The following CFAP300 variants were observed in gnomAD, a reference collection of about 807,000 sequenced individuals.
CFAP300 encodes cilia and flagella associated protein 300, also known as cilia- and flagella-associated protein 300.
Under a neutral mutation model 33.0 loss-of-function variants are expected in CFAP300, and 32 were observed. The observed-to-expected ratio is 0.97, with a 90% CI of 0.73 to 1.30. CFAP300 has a LOEUF of 1.30. Ranked by LOEUF, CFAP300 falls within the 50% of genes most tolerant of loss-of-function variation. The pLI is 0.00. For missense variants in CFAP300, 356 were observed against 318.1 expected (o/e 1.12, Z -0.90); for synonymous variants, 102 against 106.8 (o/e 0.95, Z 0.28).
At chr11:102,064,321 C>CT (rs1942192722) in intron 3 of CFAP300, among the ~76,000 whole-genome samples, 1 of 152,230 alleles carries the variant, frequency 6.6e-6, no homozygotes, top group Non-Finnish European at 1.5e-5. Flanking sequence ...TCTTCAGAAA[C>CT]TATCGGGCTC....
rs763985305 is a variant in CFAP300 at position 102,076,017 on chromosome 11, A to G, written c.580A>G (p.Thr194Ala). 2 of 1,612,814 alleles carry G rather than the reference A, an allele frequency of 1.2e-6. No individual in the cohort carries two copies. Among genetic ancestry groups the G allele is most frequent in the South Asian group, 2.2e-5 (2 of 90,604 alleles). ...TGTGATTAGCCCATATCTGGAAACA[A>G]CAAAGCTTATCTATAAGGATCTGGT... The part of the protein sequence containing the change: ...EDVISPYLET[T>A]KLIYKDLVSV... Residue 194 changes from threonine to alanine, a missense_variant, in exon 5 of 7, where the codon ACA becomes GCA. Physicochemically the swap from Thr to Ala is moderately conservative, Grantham distance 58. Transcript: ENST00000434758.
At chr11:102,064,008 T>C (rs1942188422) in intron 3 of CFAP300, among the ~76,000 whole-genome samples, 1 of 152,160 alleles carries the variant, frequency 6.6e-6, no homozygotes, top group Non-Finnish European at 1.5e-5. Flanking sequence ...AACCCAATTA[T>C]TTCCCAAAGG....
intron 4 of CFAP300, among the ~76,000 whole-genome samples, chr11:102,073,415 C>A (rs1482046013): frequency 6.6e-6 from 1 of 152,156 alleles, no homozygotes; most frequent in African/African-American, 2.4e-5. Context: ...GGGGACGGGG[C>A]AAACCCCAGA....
chr11:102,047,903 A>G lies in CFAP300; in HGVS notation c.192+7A>G, dbSNP rs770828911. 1 of 1,613,950 alleles carries G rather than the reference A, an allele frequency of 6.2e-7. No homozygotes were observed. Among genetic ancestry groups the G allele is most frequent in the Non-Finnish European group, 8.5e-7 (1 of 1,179,918 alleles). ...GAAGGATGATTTCGTTATGGTTAGT[A>G]TGGGGGTCGGAGAGTTCCCTGGGTC... On this transcript the variant is annotated splice_region_variant and intron_variant, in intron 2 of 6. Transcript: ENST00000434758.
At chr11:102,052,186 A>G (rs375564964) in intron 2 of CFAP300, among the ~76,000 whole-genome samples, 8 of 152,338 alleles carry the variant, frequency 5.3e-5, no homozygotes, top group African/African-American at 1.7e-4. Flanking sequence ...ACTGCAGGCC[A>G]GTTGACCTGC....
At chr11:102,066,678 A>G (rs373332443) in intron 4 of CFAP300, 27 bp downstream of exon 4, 5 of 1,562,476 alleles carry the variant, frequency 3.2e-6, no homozygotes, top group African/African-American at 1.4e-5. Context: ...AAAATTTCGC[A>G]GTGGAATTTT....
intron 2 of CFAP300, among the ~76,000 whole-genome samples, chr11:102,051,319 G>C (rs1941966382): frequency 6.6e-6 from 1 of 152,208 alleles, no homozygotes; most frequent in Non-Finnish European, 1.5e-5. Flanking sequence ...GACTGGGGAT[G>C]ATGAGGAGAA....
chr11:102,067,788 T>C (rs890227040), intron 4 of CFAP300, among the ~76,000 whole-genome samples: 6 of 152,172 alleles, frequency 3.9e-5, no homozygotes, highest in African/African-American at 1.4e-4. Flanking sequence ...GCACCTGTGG[T>C]TCCAGCTACT....
chr11:102,062,452 G>A (rs1432600328), intron 3 of CFAP300, among the ~76,000 whole-genome samples: 2 of 152,136 alleles, frequency 1.3e-5, no homozygotes, highest in Non-Finnish European at 2.9e-5. Flanking sequence ...AGCGCCCAAG[G>A]AAATAAGGGA....
chr11:102,052,559 T>C (rs1359040948), intron 2 of CFAP300, among the ~76,000 whole-genome samples: 1 of 152,230 alleles, frequency 6.6e-6, no homozygotes, highest in African/African-American at 2.4e-5. Flanking sequence ...AGAATGTAAA[T>C]TCCATAAGAA....
At chr11:102,051,591 T>C (rs1396833940) in intron 2 of CFAP300, among the ~76,000 whole-genome samples, 1 of 152,230 alleles carries the variant, frequency 6.6e-6, no homozygotes, top group Non-Finnish European at 1.5e-5. Context: ...TAGTCAAATA[T>C]ATACTTAAAT....
At chr11:102,050,264 T>C (rs1023022042) in intron 2 of CFAP300, among the ~76,000 whole-genome samples, 15 of 152,238 alleles carry the variant, frequency 9.9e-5, no homozygotes, top group Admixed American at 2.0e-4. Context: ...CTGCCAGGTT[T>C]GGTGTTCTGA....
At chr11:102,081,139 C>T (rs1230607024) in intron 5 of CFAP300, 76 bp from the exon 6 acceptor site, 3 of 1,074,066 alleles carry the variant, frequency 2.8e-6, no homozygotes, top group Non-Finnish European at 4.0e-6. Flanking sequence ...CACTTAAATA[C>T]TAAAAGGGAT....
intron 1 of CFAP300, 21 bp from the exon 2 acceptor site, chr11:102,047,794 C>A (rs777937419): frequency 9.9e-6 from 16 of 1,612,838 alleles, no homozygotes; most frequent in Non-Finnish European, 1.3e-5. Flanking sequence ...CAGATGATTT[C>A]TTTTTCCTCC....
At position 102,083,144 on chromosome 11, in the gene CFAP300, TC is replaced by T; in HGVS notation, c.750del (p.Arg251GlyfsTer42). On this transcript the variant is annotated frameshift_variant, in exon 7 of 7. Coordinates refer to ENST00000434758, the MANE Select transcript of CFAP300 (RefSeq NM_032930.3). LOFTEE classifies it high-confidence loss of function. Reference sequence around the variant, plus strand: ...TTTTCTTACTTTATTGTGGATCCTATCAGGCGTCACCTTCATGTTTTATACC... The same window carrying T: ...TTTTCTTACTTTATTGTGGATCCTATAGGCGTCACCTTCATGTTTTATACC... ...QTFSYFIVDP[I>X]RRHLHVLYHC... 1 of 1,570,502 alleles carries T rather than the reference TC, an allele frequency of 6.4e-7. No individual in the cohort carries two copies. The highest frequency in any genetic ancestry group is 1.2e-5 in the South Asian group (1 of 82,944).
intron 5 of CFAP300, among the ~76,000 whole-genome samples, chr11:102,076,723 A>C (rs1019721781): frequency 6.6e-6 from 1 of 152,212 alleles, no homozygotes; most frequent in Non-Finnish European, 1.5e-5. Context: ...GAAAACAAGA[A>C]TTAGCTTCTC....
Position 102,058,937 on chromosome 11 carries a change from G to A in CFAP300, c.250G>A (p.Gly84Arg). 1 of 1,579,282 alleles carries A rather than the reference G, an allele frequency of 6.3e-7. No individual in the cohort carries two copies. The highest frequency in any genetic ancestry group is 1.2e-5 in the South Asian group (1 of 83,348). ...PNLKLLSDSSGQWIILGTEVK... is the reference protein window; with the variant it reads ...PNLKLLSDSSRQWIILGTEVK... ...TTTGAAGTTACTTTCAGATTCTTCTGGACAATGGATCATATTAGGTAAATA... is the reference window on the plus strand; with the variant it reads ...TTTGAAGTTACTTTCAGATTCTTCTAGACAATGGATCATATTAGGTAAATA... The change falls in exon 3 of 7, where the codon GGA (glycine) becomes AGA (arginine). Residue 84 changes from glycine (G) to arginine (R), a missense_variant. Physicochemically the swap from Gly to Arg is moderately radical, Grantham distance 125. Transcript: ENST00000434758.
chr11:102,053,514 G>T (rs1942004230), intron 2 of CFAP300, among the ~76,000 whole-genome samples: 1 of 152,134 alleles, frequency 6.6e-6, no homozygotes, highest in South Asian at 2.1e-4. Context: ...TCATACCATT[G>T]CACTCCAGCC....
chr11:102,081,171 A>G (rs776422204), intron 5 of CFAP300, 44 bp from the exon 6 acceptor site: 1 of 1,388,476 alleles, frequency 7.2e-7, no homozygotes, highest in East Asian at 2.3e-5. Flanking sequence ...TGTATATGCC[A>G]ATGCCTATTA....
Sources: allele counts gnomAD v4.1 joint callset (sites outside exome capture counted in the v4.1 genomes callset), GRCh38; gene constraint gnomAD v4.1.1; transcripts MANE v1.5; gene names NCBI Gene and HGNC (gene_info 2026-07-23, HGNC 2026-07-21).